NFXL1: variants seen among roughly 807,000 people sequenced by gnomAD.
The protein encoded by NFXL1 is NF-X1-type zinc finger protein NFXL1.
A neutral mutation model predicts 123.3 loss-of-function variants in NFXL1; 66 were observed. That is an observed-to-expected ratio of 0.54 (90% confidence interval 0.44 to 0.66). The LOEUF is 0.66. Among genes scored for constraint, NFXL1 ranks in the 30% least tolerant of loss-of-function variants. The pLI is 0.00. For synonymous variants in NFXL1, 346 were observed against 360.8 expected (o/e 0.96, Z 0.46); for missense variants, 944 against 1,125.6 (o/e 0.84, Z 2.31).
chr4:47,859,268 A>G (rs1734588293), intron 19 of NFXL1, among the ~76,000 whole-genome samples: 1 of 152,234 alleles, frequency 6.6e-6, no homozygotes, highest in Admixed American at 6.5e-5. Context: ...CAATAATAGG[A>G]AAAGCCCTCT....
chr4:47,849,133 T>C (rs1475589871), intron 22 of NFXL1, among the ~76,000 whole-genome samples: 7 of 152,010 alleles, frequency 4.6e-5, no homozygotes, highest in Non-Finnish European at 8.8e-5. Flanking sequence ...TTCAAGTGAG[T>C]AAAGAGAAAA....
At chr4:47,853,261 A>C (rs2110027093) in intron 20 of NFXL1, among the ~76,000 whole-genome samples, 1 of 152,250 alleles carries the variant, frequency 6.6e-6, no homozygotes, top group Admixed American at 6.5e-5. Flanking sequence ...AATAAATAAC[A>C]ATAGTAATTG....
At chr4:47,859,571 A>G (rs1168166101) in intron 19 of NFXL1, among the ~76,000 whole-genome samples, 1 of 152,158 alleles carries the variant, frequency 6.6e-6, no homozygotes, top group Non-Finnish European at 1.5e-5. Context: ...GGCCAGGTGC[A>G]ATGTCTCACG....
chr4:47,854,325 G>A (rs1310192380), intron 20 of NFXL1, among the ~76,000 whole-genome samples: 4 of 152,044 alleles, frequency 2.6e-5, no homozygotes, highest in African/African-American at 9.7e-5. Flanking sequence ...AAGGAGTTAC[G>A]ACTATAACTG....
At chr4:47,855,265 GTCAA>G in intron 19 of NFXL1, 102 bp from the exon 20 acceptor site, 3 of 597,664 alleles carry the variant, frequency 5.0e-6, no homozygotes. Context: ...CACACAAAGG[GTCAA>G]TCAATCCTAG....
At chr4:47,849,958 T>A (rs7699222) in intron 22 of NFXL1, among the ~76,000 whole-genome samples, 34,586 of 151,922 alleles carry the variant, frequency 0.23, 4,719 homozygotes, top group Admixed American at 0.31. Context: ...ATTTATTTTT[T>A]TTTTTTTTTA....
intron 19 of NFXL1, among the ~76,000 whole-genome samples, chr4:47,856,662 C>T (rs1006516214): frequency 1.9e-4 from 29 of 152,134 alleles, no homozygotes; most frequent in Admixed American, 1.8e-3. Flanking sequence ...TGTTCTTTAA[C>T]TTTTAGCTGA....
chr4:47,898,520 A>T (rs1288700910), intron 8 of NFXL1, among the ~76,000 whole-genome samples: 1 of 152,180 alleles, frequency 6.6e-6, no homozygotes, highest in Non-Finnish European at 1.5e-5. Flanking sequence ...AAAGAGTACA[A>T]ATGTAGTGAA....
chr4:47,878,542 A>T lies in NFXL1; in HGVS notation c.2062T>A (p.Cys688Ser). 6.3e-7 allele frequency: 1 copy of T among 1,585,308 alleles called. No individual in the cohort carries two copies. The highest frequency in any genetic ancestry group is 8.6e-7 in the Non-Finnish European group (1 of 1,167,274). The stretch of plus-strand genomic sequence containing the variant: ...AACATTACCTTGTTTTTTCCAGTGC[A>T]GCCATCAGTTTTGGTTACTTTGTGG... ...ECHKVTKTDG[C>S]TGKNKAGPEC... The change falls in exon 17 of 23, where the codon TGC becomes AGC. Residue 688 changes from cysteine to serine, a missense_variant. Coordinates refer to ENST00000507489, the MANE Select transcript of NFXL1 (RefSeq NM_001278624.2).
chr4:47,912,351 T>G (rs1263471105), intron 2 of NFXL1, among the ~76,000 whole-genome samples: 1 of 152,088 alleles, frequency 6.6e-6, no homozygotes, highest in Non-Finnish European at 1.5e-5. Flanking sequence ...TCACCTAACA[T>G]CATCTCAAAG....
At chr4:47,855,913 C>A (rs1274868567) in intron 19 of NFXL1, among the ~76,000 whole-genome samples, 1 of 152,016 alleles carries the variant, frequency 6.6e-6, no homozygotes. Context: ...AAATCTTATC[C>A]ACACTTTAAG....
At chr4:47,849,152 A>G (rs1223247691) in intron 22 of NFXL1, among the ~76,000 whole-genome samples, 1 of 152,158 alleles carries the variant, frequency 6.6e-6, no homozygotes, top group Non-Finnish European at 1.5e-5. Flanking sequence ...AAAAGCTGCC[A>G]GAACTCGATT....
intron 12 of NFXL1, among the ~76,000 whole-genome samples, 197 bp downstream of exon 12, chr4:47,890,416 C>G (rs1015063718): frequency 3.3e-5 from 5 of 152,172 alleles, no homozygotes; most frequent in African/African-American, 7.2e-5. Flanking sequence ...GTTACTGAAC[C>G]CTCTTAAGCT....
In NFXL1 at chr4:47,904,864, T is replaced by C. The variant is rs553249366; in HGVS notation, c.516+373A>G. Among the ~76,000 whole-genome samples, 118 of 152,260 alleles carry C rather than the reference T, an allele frequency of 7.7e-4. 3 individuals carry two copies. In the Middle Eastern group the frequency reaches 0.01, roughly 13 times the overall value. ...TAACTAATTAAGCCATAAGTGTTACTGCCAAGTTCTACTTTCTTGAAGATA... is the reference window on the plus strand; with the variant it reads ...TAACTAATTAAGCCATAAGTGTTACCGCCAAGTTCTACTTTCTTGAAGATA... On this transcript the variant is annotated intron_variant, in intron 4 of 22. Transcript: ENST00000507489.
In NFXL1 at chr4:47,899,353, T is replaced by C. The variant is rs748216130; in HGVS notation, c.826+17A>G. The C allele has an allele frequency of 3.2e-6, 5 of 1,585,022 alleles. No individual in the cohort carries two copies. Among genetic ancestry groups the C allele is most frequent in the Non-Finnish European group, 4.3e-6 (5 of 1,160,602 alleles). ...ATAATCACCCACAAACAATTTAAAA[T>C]GCAATATATAACTCACCTGGATGAC... On this transcript the variant is annotated intron_variant, in intron 6 of 22. Coordinates refer to ENST00000507489, the MANE Select transcript of NFXL1 (RefSeq NM_001278624.2).
chr4:47,907,276 A>C (rs1265177720), intron 3 of NFXL1, among the ~76,000 whole-genome samples: 1 of 152,242 alleles, frequency 6.6e-6, no homozygotes, highest in African/African-American at 2.4e-5. Context: ...CAGAGGGAGA[A>C]TTGCAGTAAA....
At chr4:47,855,399 C>G (rs1577984630) in intron 19 of NFXL1, among the ~76,000 whole-genome samples, 2 of 151,550 alleles carry the variant, frequency 1.3e-5, no homozygotes, top group South Asian at 4.2e-4. Flanking sequence ...CAGCTCCATT[C>G]CAACAGTACA....
chr4:47,879,648 C>T (rs1284996708), intron 15 of NFXL1, among the ~76,000 whole-genome samples: 3 of 152,112 alleles, frequency 2.0e-5, no homozygotes, highest in African/African-American at 7.2e-5. Context: ...AGTCCAAAGA[C>T]TGACACCACC....
chr4:47,898,919 T>G, intron 7 of NFXL1, 40 bp downstream of exon 7: 2 of 1,611,202 alleles, frequency 1.2e-6, no homozygotes, highest in Non-Finnish European at 1.7e-6. Context: ...CTTTGACTTT[T>G]GCTTAAAGTC....
Sources: gnomAD v4.1 joint callset for allele counts (sites outside exome capture counted in the v4.1 genomes callset) on GRCh38, gnomAD v4.1.1 for gene constraint, MANE v1.5 for transcripts, NCBI Gene and HGNC (gene_info 2026-07-23, HGNC 2026-07-21) for gene names.